LOC128092252: variants seen among roughly 807,000 people sequenced by gnomAD.
At chr15:50,663,128 CA>C in the LOC128092252 span, 2 of 1,087,330 alleles carry the variant, frequency 1.8e-6, no homozygotes, top group Admixed American at 4.3e-5. Context: ...AACACATAAA[CA>C]GTTCTTTTTT....
At chr15:50,672,898 C>CAAAA in the LOC128092252 span, among the ~76,000 whole-genome samples, 262 of 26,212 alleles carry the variant, frequency 1.0e-2, 44 homozygotes, top group African/African-American at 0.03. Flanking sequence ...GACTCTGTCT[C>CAAAA]AAAAAAAAAA....
At chr15:50,652,927 C>A in the LOC128092252 span, among the ~76,000 whole-genome samples, 1 of 152,144 alleles carries the variant, frequency 6.6e-6, no homozygotes, top group African/African-American at 2.4e-5. Flanking sequence ...TTTGAGAGGC[C>A]AAAGTGGAAG....
chr15:50,686,203 G>C, the LOC128092252 span, among the ~76,000 whole-genome samples: 2 of 152,216 alleles, frequency 1.3e-5, no homozygotes, highest in Non-Finnish European at 2.9e-5. Flanking sequence ...GCCCTGCGTC[G>C]GGCGCGCTGA....
the LOC128092252 span, among the ~76,000 whole-genome samples, chr15:50,672,898 C>CAAAAAAAAAAAAAAAAAAAAAAAA: frequency 3.8e-5 from 1 of 26,218 alleles, no homozygotes; most frequent in African/African-American, 1.3e-4. Flanking sequence ...GACTCTGTCT[C>CAAAAAAAAAAAAAAAAAAAAAAAA]AAAAAAAAAA....
At chr15:50,662,884 G>T in the LOC128092252 span, 2 of 973,228 alleles carry the variant, frequency 2.1e-6, no homozygotes, top group Admixed American at 2.3e-5. Flanking sequence ...TTATTTAGTG[G>T]TTTTTGTTTC....
chr15:50,654,724 C>T, the LOC128092252 span, among the ~76,000 whole-genome samples: 3 of 151,160 alleles, frequency 2.0e-5, no homozygotes, highest in South Asian at 2.1e-4. Flanking sequence ...ATGGGCTGGG[C>T]GCAGTGGCTC....
chr15:50,653,154 C>G, the LOC128092252 span, among the ~76,000 whole-genome samples: 5 of 152,122 alleles, frequency 3.3e-5, no homozygotes, highest in East Asian at 5.8e-4. Flanking sequence ...CCCACTCCCC[C>G]CAAAAAGAAA....
At chr15:50,648,817 T>C in the LOC128092252 span, 2 of 1,613,222 alleles carry the variant, frequency 1.2e-6, no homozygotes, top group South Asian at 2.2e-5. Context: ...CAATTTCACA[T>C]CTGAGTATTT....
the LOC128092252 span, among the ~76,000 whole-genome samples, chr15:50,657,103 C>G: frequency 6.6e-6 from 1 of 152,122 alleles, no homozygotes. Flanking sequence ...GCGGGTGGAT[C>G]ACCTGAGGTC....
the LOC128092252 span, among the ~76,000 whole-genome samples, chr15:50,679,509 AT>A: frequency 2.0e-5 from 1 of 50,460 alleles, no homozygotes; most frequent in Admixed American, 3.5e-4. Flanking sequence ...GTGTATATAT[AT>A]AATATATATA....
the LOC128092252 span, among the ~76,000 whole-genome samples, chr15:50,677,525 G>A: frequency 6.6e-6 from 1 of 151,904 alleles, no homozygotes; most frequent in East Asian, 1.9e-4. Flanking sequence ...CGGATCGCAA[G>A]GTCAGAAGTT....
chr15:50,673,468 T>C, the LOC128092252 span, among the ~76,000 whole-genome samples: 4 of 152,188 alleles, frequency 2.6e-5, no homozygotes, highest in South Asian at 4.1e-4. Context: ...GTCATTCTTA[T>C]GCCTTTGCGT....
At chr15:50,667,846 T>C in the LOC128092252 span, among the ~76,000 whole-genome samples, 1 of 152,224 alleles carries the variant, frequency 6.6e-6, no homozygotes, top group Non-Finnish European at 1.5e-5. Flanking sequence ...GACATAAAAA[T>C]CATACAGGAA....
chr15:50,680,617 C>T, the LOC128092252 span, among the ~76,000 whole-genome samples: 1 of 151,132 alleles, frequency 6.6e-6, no homozygotes, highest in Non-Finnish European at 1.5e-5. Flanking sequence ...AATTATCTGT[C>T]CTAAGGTTAA....
the LOC128092252 span, among the ~76,000 whole-genome samples, chr15:50,655,456 C>A: frequency 0.15 from 19,054 of 128,316 alleles, 1,581 homozygotes; most frequent in Admixed American, 0.23. Flanking sequence ...AACAAAAAAA[C>A]AAAAAACCTT....
the LOC128092252 span, among the ~76,000 whole-genome samples, chr15:50,670,780 G>T: frequency 5.5e-5 from 8 of 144,400 alleles, no homozygotes; most frequent in African/African-American, 1.8e-4. Context: ...TAATAAACTT[G>T]CCTTCACTTT....
chr15:50,682,116 T>C, the LOC128092252 span, among the ~76,000 whole-genome samples: 1 of 135,534 alleles, frequency 7.4e-6, no homozygotes. Context: ...AGGCACAGTT[T>C]GCAGTGAGCC....
At chr15:50,655,572 G>A in the LOC128092252 span, among the ~76,000 whole-genome samples, 2 of 150,872 alleles carry the variant, frequency 1.3e-5, no homozygotes, top group African/African-American at 2.4e-5. Context: ...AAAACCAAAG[G>A]AATAGAAAAA....
the LOC128092252 span, among the ~76,000 whole-genome samples, chr15:50,672,500 G>A: frequency 6.6e-6 from 1 of 152,106 alleles, no homozygotes; most frequent in African/African-American, 2.4e-5. Flanking sequence ...AAGATGAGAG[G>A]TGGAAGACAA....
Sources: allele counts gnomAD v4.1 joint callset (sites outside exome capture counted in the v4.1 genomes callset), GRCh38; gene constraint gnomAD v4.1.1; transcripts MANE v1.5.